The following PPP6C variants were observed in gnomAD, a reference collection of about 807,000 sequenced individuals.
The protein encoded by PPP6C is protein phosphatase 6 catalytic subunit.
In PPP6C, 11 loss-of-function variants were observed where a neutral mutation model predicts 39.8. That is an observed-to-expected ratio of 0.28 (90% confidence interval 0.17 to 0.46). The LOEUF is 0.46. Ranked by LOEUF, PPP6C falls within the 20% of genes least tolerant of loss-of-function variation. The pLI, the probability that PPP6C is intolerant of heterozygous loss-of-function variation, is 1.00. For missense variants in PPP6C, 211 were observed against 373.9 expected (o/e 0.56, Z 3.59); for synonymous variants, 129 against 130.3 (o/e 0.99, Z 0.07).
rs376625505 is a variant in PPP6C, at chr9:125,189,768, G to A, written c.-50C>T. The A allele has an allele frequency of 1.9e-5, 29 of 1,540,166 alleles. No individual in the cohort carries two copies. The African/African-American group carries it at 2.0e-4, about 11-fold the overall frequency. On this transcript the variant is annotated 5_prime_UTR_variant, in exon 1 of 7. Coordinates refer to ENST00000373547, the MANE Select transcript of PPP6C (RefSeq NM_002721.5). ...CAGCGGCGGCGGCGGCTGTAGCAGC[G>A]GCGGCGGCAGCGGCGGAGGCCGAAG... is the stretch of plus-strand genomic sequence containing the variant.
chr9:125,171,086 T>C lies in PPP6C; in HGVS notation c.170A>G (p.Gln57Arg). ...PVTVCGDIHG[Q>R]FYDLCELFRT... ...AAAAATCTGCTCATGAAATTTTACC[T>C]GTCCATGGATATCTCCACACACTGT... The change falls in exon 2 of 7, where the codon CAG becomes CGG. Residue 57 changes from glutamine to arginine, a missense_variant and splice_region_variant. This residue lies in a region of PPP6C where 168 missense variants were observed against 342.6 expected (regional missense o/e 0.49). Transcript: ENST00000373547. The C allele has an allele frequency of 6.4e-7, 1 of 1,557,968 alleles. No homozygotes were observed. The highest frequency in any genetic ancestry group is 8.7e-7 in the Non-Finnish European group (1 of 1,145,252).
At chr9:125,158,496 G>C in intron 3 of PPP6C, 114 bp from the exon 4 acceptor site, 1 of 1,019,054 alleles carries the variant, frequency 9.8e-7, no homozygotes, top group East Asian at 2.9e-5. Flanking sequence ...GTTACATACT[G>C]AATTATTTGG....
At position 125,188,832 on chromosome 9, in the gene PPP6C, A is replaced by T. The variant is rs886201417; in HGVS notation, c.75+812T>A. On this transcript the variant is annotated intron_variant, in intron 1 of 6. Transcript: ENST00000373547. ...ATAATAATAATAATTAAAAAGTTTT[A>T]AAAAAGAAAAGCAGTATACCAAAGT... 22 of 574,496 alleles carry T rather than the reference A, an allele frequency of 3.8e-5. 1 individual carries two copies. Among genetic ancestry groups the T allele is most frequent in the Middle Eastern group, 1.1e-3 (2 of 1,760 alleles). 35.6% of individuals were successfully genotyped at this position (574,496 alleles called of 1,614,324 possible).
chr9:125,152,257 C>T (rs1835966413), intron 6 of PPP6C, among the ~76,000 whole-genome samples: 1 of 152,078 alleles, frequency 6.6e-6, no homozygotes, highest in South Asian at 2.1e-4. Flanking sequence ...TACCTTCATC[C>T]ATCTTGATCC....
At chr9:125,171,627 C>A (rs894931275) in intron 1 of PPP6C, among the ~76,000 whole-genome samples, 2 of 150,352 alleles carry the variant, frequency 1.3e-5, no homozygotes, top group Non-Finnish European at 3.0e-5. Flanking sequence ...GATCTCGGCT[C>A]ACTTCTACCT....
chr9:125,159,772 G>A (rs1828813842), intron 3 of PPP6C, among the ~76,000 whole-genome samples: 1 of 152,242 alleles, frequency 6.6e-6, no homozygotes, highest in Non-Finnish European at 1.5e-5. Context: ...AGCACTTTGG[G>A]AGGCCAAGGC....
rs2131299664 is a variant in PPP6C at position 125,153,573 on chromosome 9, C to T, written c.629G>A (p.Arg210Gln). ...TGCTCCAAAAAGCCAACCTGCTCCT[C>T]GGGGACTGATAGCCCAGGTATCCAC... The part of the protein sequence containing the change: ...EDVDTWAISP[R>Q]GAGWLFGAKV... Residue 210 changes from arginine (R) to glutamine (Q), a missense_variant, in exon 6 of 7, where the codon CGA (arginine) becomes CAA (glutamine). Around this residue, in one of 2 missense-constraint regions of PPP6C, gnomAD observed 168 missense variants for 342.6 expected, o/e 0.49. Coordinates refer to ENST00000373547, the MANE Select transcript of PPP6C (RefSeq NM_002721.5). 6.2e-7 allele frequency: 1 copy of T among 1,614,098 alleles called. No homozygotes were observed. Among genetic ancestry groups the T allele is most frequent in the South Asian group, 1.1e-5 (1 of 91,078 alleles).
chr9:125,171,184 T>C lies in PPP6C; in HGVS notation c.76-4A>G, dbSNP rs769999763. The C allele has an allele frequency of 6.5e-7, 1 of 1,548,406 alleles. No homozygotes were observed. On this transcript the variant is annotated splice_polypyrimidine_tract_variant and splice_region_variant and intron_variant, in intron 1 of 6. Transcript: ENST00000373547. The stretch of plus-strand genomic sequence containing the variant: ...CACAAACGTAGTCACATAGCCGCTA[T>C]AAAAAGAGAAAATAAAAGGTAAACA...
At chr9:125,174,386 C>CA (rs373076207) in intron 1 of PPP6C, among the ~76,000 whole-genome samples, 1 of 149,966 alleles carries the variant, frequency 6.7e-6, no homozygotes. Flanking sequence ...AAACATTATA[C>CA]AAAAAATCAG....
At chr9:125,164,218 CTTTTTTTTTTT>C (rs10684647) in intron 2 of PPP6C, among the ~76,000 whole-genome samples, 1 of 74,752 alleles carries the variant, frequency 1.3e-5, no homozygotes, top group African/African-American at 5.5e-5. Flanking sequence ...CCCTCACTCT[CTTTTTTTTTTT>C]TTTTTTTTTT....
At chr9:125,159,663 C>T (rs1264996631) in intron 3 of PPP6C, among the ~76,000 whole-genome samples, 1 of 152,202 alleles carries the variant, frequency 6.6e-6, no homozygotes, top group African/African-American at 2.4e-5. Context: ...ACTATTTACA[C>T]TTCCCATTAA....
At position 125,153,973 on chromosome 9, in the gene PPP6C, G is replaced by T. The variant is rs780682080; in HGVS notation, c.392C>A (p.Thr131Asn). The T allele has an allele frequency of 8.1e-6, 13 of 1,608,316 alleles. No individual in the cohort carries two copies. In the Admixed American group the frequency reaches 1.5e-4, roughly 19 times the overall value. Residue 131 changes from threonine to asparagine, a missense_variant, in exon 5 of 7, where the codon ACC becomes AAC. Physicochemically the swap from Thr to Asn is moderately conservative, Grantham distance 65. This residue lies in a region of PPP6C where 168 missense variants were observed against 342.6 expected (regional missense o/e 0.49). Transcript: ENST00000373547. The part of the protein sequence containing the change: ...QVYGFYDECQ[T>N]KYGNANAWRY... Reference sequence around the variant, plus strand: ...CCAGGCATTAGCATTTCCATATTTGGTTTGGCACTCATCTGTGAAAGAAAC... The same window carrying T: ...CCAGGCATTAGCATTTCCATATTTGTTTTGGCACTCATCTGTGAAAGAAAC...
chr9:125,152,713 C>A (rs929636619), intron 6 of PPP6C, among the ~76,000 whole-genome samples: 1 of 151,662 alleles, frequency 6.6e-6, no homozygotes, highest in South Asian at 2.1e-4. Flanking sequence ...ACCTGTAATC[C>A]CAGCTACTCG....
At chr9:125,183,251 T>C (rs1352913601) in intron 1 of PPP6C, among the ~76,000 whole-genome samples, 1 of 152,202 alleles carries the variant, frequency 6.6e-6, no homozygotes, top group Non-Finnish European at 1.5e-5. Flanking sequence ...TATGACATTT[T>C]TCCTGCATTC....
At chr9:125,187,286 T>C (rs536150288) in intron 1 of PPP6C, among the ~76,000 whole-genome samples, 35 of 151,384 alleles carry the variant, frequency 2.3e-4, no homozygotes, top group Non-Finnish European at 5.0e-4. Context: ...AATTTCCTTT[T>C]CTTTTTTTTT....
intron 1 of PPP6C, among the ~76,000 whole-genome samples, chr9:125,173,874 C>T (rs1405988444): frequency 6.6e-6 from 1 of 152,146 alleles, no homozygotes; most frequent in East Asian, 1.9e-4. Flanking sequence ...CCTCGGCCTC[C>T]CAAAGTGCTG....
chr9:125,167,128 C>A (rs1472996716), intron 2 of PPP6C, among the ~76,000 whole-genome samples: 3 of 151,924 alleles, frequency 2.0e-5, no homozygotes, highest in African/African-American at 2.4e-5. Context: ...CACCTGTAGT[C>A]CCAGCACTCT....
chr9:125,159,993 C>CT (rs1040332063), intron 3 of PPP6C, among the ~76,000 whole-genome samples: 1 of 151,638 alleles, frequency 6.6e-6, no homozygotes, highest in African/African-American at 2.4e-5. Context: ...GCACTCCAGC[C>CT]TGGCAACAGA....
At chr9:125,170,555 A>C (rs1829125141) in intron 2 of PPP6C, among the ~76,000 whole-genome samples, 1 of 152,094 alleles carries the variant, frequency 6.6e-6, no homozygotes, top group African/African-American at 2.4e-5. Flanking sequence ...AAATTCTTAC[A>C]AACACCCAGC....
Sources: allele counts gnomAD v4.1 joint callset (sites outside exome capture counted in the v4.1 genomes callset), GRCh38; gene constraint gnomAD v4.1.1; regional missense constraint gnomAD v4.1.1; transcripts MANE v1.5; gene names NCBI Gene and HGNC (gene_info 2026-07-23, HGNC 2026-07-21).